Variants in RNF180 observed in about 807,000 individuals in gnomAD.
RNF180 encodes E3 ubiquitin-protein ligase RNF180.
A neutral mutation model predicts 59.2 loss-of-function variants in RNF180; 38 were observed. That is an observed-to-expected ratio of 0.64 (90% CI 0.50 to 0.84). The LOEUF (loss-of-function observed/expected upper bound fraction) is 0.84. Ranked by LOEUF, RNF180 falls within the 40% of genes least tolerant of loss-of-function variation. RNF180 has a pLI of 0.00. For missense variants in RNF180, 705 were observed against 700.9 expected, an observed-to-expected ratio of 1.01 and a Z score of -0.07; for synonymous variants, 262 against 240.3, an observed-to-expected ratio of 1.09 and a Z score of -0.84.
chr5:64,187,328 T>C (rs888632763), intron 1 of RNF180, among the ~76,000 whole-genome samples: 1 of 152,152 alleles, frequency 6.6e-6, no homozygotes, highest in African/African-American at 2.4e-5. Flanking sequence ...TGCATTGCAC[T>C]CTGCCTAACT....
Position 64,371,943 on chromosome 5 carries a change from T to C in RNF180, c.*2129T>C, listed in dbSNP as rs143245920. 6.6e-6 allele frequency: 1 copy of C among 151,634 alleles called. No homozygotes were observed. Among genetic ancestry groups the C allele is most frequent in the Admixed American group, 6.6e-5 (1 of 15,164 alleles). 9.4% of individuals were successfully genotyped at this position (151,634 alleles called of 1,614,324 possible). ...TTCAAAATAAAATACATGGATGAGC[T>C]TTAGAGTAAAACAAAAAATTATAAT... On this transcript the variant is annotated 3_prime_UTR_variant, in exon 8 of 8. Coordinates refer to ENST00000389100, the MANE Select transcript of RNF180 (RefSeq NM_001113561.2).
intron 7 of RNF180, among the ~76,000 whole-genome samples, chr5:64,362,777 C>A (rs1292482266): frequency 2.0e-5 from 3 of 151,752 alleles, no homozygotes; most frequent in African/African-American, 7.3e-5. Context: ...TCAATAATAG[C>A]CATTCTGACT....
At chr5:64,351,718 G>A (rs1302174569) in intron 7 of RNF180, among the ~76,000 whole-genome samples, 14 of 151,490 alleles carry the variant, frequency 9.2e-5, no homozygotes, top group African/African-American at 1.9e-4. Flanking sequence ...ATTGATTTTC[G>A]TATGTTGAAC....
At chr5:64,202,748 A>C (rs1401901150) in intron 2 of RNF180, among the ~76,000 whole-genome samples, 1 of 152,152 alleles carries the variant, frequency 6.6e-6, no homozygotes, top group African/African-American at 2.4e-5. Context: ...TTTTTTATGT[A>C]CTTGCTGGTT....
At chr5:64,337,862 T>G (rs1745196986) in intron 7 of RNF180, among the ~76,000 whole-genome samples, 1 of 152,190 alleles carries the variant, frequency 6.6e-6, no homozygotes, top group Non-Finnish European at 1.5e-5. Flanking sequence ...TGCATAGTAT[T>G]CCATGGTGTA....
intron 5 of RNF180, among the ~76,000 whole-genome samples, chr5:64,236,753 T>C (rs1435974696): frequency 6.6e-6 from 1 of 152,108 alleles, no homozygotes; most frequent in Non-Finnish European, 1.5e-5. Context: ...CAGGCCTTGA[T>C]GTCCTGTGTC....
At position 64,371,339 on chromosome 5, in the gene RNF180, A is replaced by G. The variant is rs1049334551; in HGVS notation, c.*1525A>G. The G allele has an allele frequency of 2.6e-5, 4 of 151,648 alleles. No homozygotes were observed. Among genetic ancestry groups the G allele is most frequent in the Non-Finnish European group, 5.9e-5 (4 of 67,702 alleles). The allele number at this position is 151,648 out of a possible 1,614,324, so 9.4% of individuals were successfully genotyped here. Reference sequence around the variant, plus strand: ...GAAAATATCAGCTCTCTTAAAATATATAGCAAGATTGAAAACACACATATG... The same window carrying G: ...GAAAATATCAGCTCTCTTAAAATATGTAGCAAGATTGAAAACACACATATG... On this transcript the variant is annotated 3_prime_UTR_variant, in exon 8 of 8. Coordinates refer to ENST00000389100, the MANE Select transcript of RNF180 (RefSeq NM_001113561.2).
Position 64,281,815 on chromosome 5 carries a change from G to A in RNF180, c.1228-43371G>A, listed in dbSNP as rs535432026. On this transcript the variant is annotated intron_variant, in intron 5 of 7. Coordinates refer to ENST00000389100, the MANE Select transcript of RNF180 (RefSeq NM_001113561.2). ...CTCGCTGAGGATTTTTAACATGAAGGGATGTTAAATTTTATCAAAAGCCTT... is the reference window on the plus strand; with the variant it reads ...CTCGCTGAGGATTTTTAACATGAAGAGATGTTAAATTTTATCAAAAGCCTT... Among the ~76,000 whole-genome samples, 5 of 152,112 alleles carry A rather than the reference G, an allele frequency of 3.3e-5. No individual in the cohort carries two copies. The South Asian group carries it at 1.0e-3, about 32-fold the overall frequency.
chr5:64,217,048 A>G (rs1752670105), intron 4 of RNF180, among the ~76,000 whole-genome samples: 1 of 152,100 alleles, frequency 6.6e-6, no homozygotes, highest in Non-Finnish European at 1.5e-5. Context: ...CCATTATTTT[A>G]GTTTTGTCTT....
chr5:64,239,261 C>T (rs1039095155), intron 5 of RNF180, among the ~76,000 whole-genome samples: 5 of 152,112 alleles, frequency 3.3e-5, no homozygotes, highest in Admixed American at 1.3e-4. Flanking sequence ...TTGTTAGAAA[C>T]ATACGTACCT....
rs144561962 is a variant in RNF180, at chr5:64,195,375, A to G, written c.1-5433A>G. On this transcript the variant is annotated intron_variant, in intron 1 of 7. Coordinates refer to ENST00000389100, the MANE Select transcript of RNF180 (RefSeq NM_001113561.2). ...GTTATGTAGTTAAAATCATCGTAGT[A>G]AGCAAATTGTTATTAACCACCTCCT... Among the ~76,000 whole-genome samples, 531 of 152,324 alleles carry G rather than the reference A, an allele frequency of 3.5e-3. 2 individuals carry two copies. The highest frequency in any genetic ancestry group is 0.012 in the African/African-American group (482 of 41,570).
intron 5 of RNF180, among the ~76,000 whole-genome samples, chr5:64,280,753 C>A (rs368564248): frequency 5.3e-5 from 8 of 151,944 alleles, no homozygotes; most frequent in Middle Eastern, 3.4e-3. Context: ...AGCTTTGTAC[C>A]CTTTGCTTAG....
In RNF180 at chr5:64,244,062, G is replaced by A. The variant is rs150099510; in HGVS notation, c.1227+26666G>A. Among the ~76,000 whole-genome samples the A allele has an allele frequency of 3.7e-4, 57 of 152,194 alleles. No individual in the cohort carries two copies. The East Asian group carries it at 9.7e-3, about 26-fold the overall frequency. ...CAGCATCAACATCAACAAAAAGGAC[G>A]TTCACGTAGAAACCCCATCCAAAGG... On this transcript the variant is annotated intron_variant, in intron 5 of 7. Transcript: ENST00000389100.
At chr5:64,260,835 T>C (rs2112316462) in intron 5 of RNF180, among the ~76,000 whole-genome samples, 1 of 152,278 alleles carries the variant, frequency 6.6e-6, no homozygotes, top group South Asian at 2.1e-4. Context: ...GGGTATTATA[T>C]ACAATTTTCT....
chr5:64,236,864 G>A (rs189639534), intron 5 of RNF180, among the ~76,000 whole-genome samples: 3 of 152,310 alleles, frequency 2.0e-5, no homozygotes, highest in Admixed American at 6.5e-5. Flanking sequence ...CTTCCACATG[G>A]TGTTGGGCCT....
At chr5:64,292,487 C>G (rs1027440693) in intron 5 of RNF180, among the ~76,000 whole-genome samples, 1 of 152,172 alleles carries the variant, frequency 6.6e-6, no homozygotes, top group East Asian at 1.9e-4. Context: ...AAGTGGCAGC[C>G]TGCTTCTTCC....
chr5:64,302,964 C>A (rs1212646242), intron 5 of RNF180, among the ~76,000 whole-genome samples: 1 of 151,646 alleles, frequency 6.6e-6, no homozygotes, highest in Non-Finnish European at 1.5e-5. Context: ...TTTGTGACAA[C>A]CCTGCATTGA....
intron 5 of RNF180, among the ~76,000 whole-genome samples, chr5:64,294,440 C>A (rs1445172332): frequency 6.6e-6 from 1 of 152,072 alleles, no homozygotes; most frequent in Non-Finnish European, 1.5e-5. Flanking sequence ...TGGCAAATAG[C>A]CACATGCTAA....
At position 64,247,839 on chromosome 5, in the gene RNF180, C is replaced by T. The variant is rs180959159; in HGVS notation, c.1227+30443C>T. On this transcript the variant is annotated intron_variant, in intron 5 of 7. Transcript: ENST00000389100. ...GAAAAGAACAAAGCTGGAACTATCA[C>T]GCTACCTGACTTTAAACCATACTAC... Among the ~76,000 whole-genome samples, 8 of 152,252 alleles carry T rather than the reference C, an allele frequency of 5.3e-5. No individual in the cohort carries two copies. The East Asian group carries it at 5.8e-4, about 11-fold the overall frequency.
Sources: gnomAD v4.1 joint callset for allele counts (sites outside exome capture counted in the v4.1 genomes callset) on GRCh38, gnomAD v4.1.1 for gene constraint, MANE v1.5 for transcripts, NCBI Gene and HGNC (gene_info 2026-07-23, HGNC 2026-07-21) for gene names.